The following CLASP1 variants were observed in gnomAD, a reference collection of about 807,000 sequenced individuals.
CLASP1 encodes the protein cytoplasmic linker associated protein 1, also known as CLIP-associating protein 1.
A neutral mutation model predicts 192.3 loss-of-function variants in CLASP1; 38 were observed. That is an observed-to-expected ratio of 0.20 (90% CI 0.15 to 0.26). CLASP1 has a LOEUF of 0.26. Among genes scored for constraint, CLASP1 ranks in the 10% least tolerant of loss-of-function variants. The pLI is 1.00. For synonymous variants in CLASP1, 691 were observed against 712.8 expected (o/e 0.97, Z 0.49); for missense variants, 1,433 against 1,932.5 (o/e 0.74, Z 4.85).
At chr2:121,347,268 G>A (rs2063564880) in intron 38 of CLASP1, 114 bp from the exon 40 acceptor site, 1 of 716,404 alleles carries the variant, frequency 1.4e-6, no homozygotes, top group Non-Finnish European at 2.4e-6. Flanking sequence ...GGACTTGTCA[G>A]TAACAACCAG....
intron 7 of CLASP1, among the ~76,000 whole-genome samples, chr2:121,512,579 C>T (rs1187187995): frequency 6.6e-6 from 1 of 152,164 alleles, no homozygotes; most frequent in African/African-American, 2.4e-5. Context: ...TTGTTAACTA[C>T]CTCCACTTTA....
rs528941460 is a variant in CLASP1 at position 121,547,155 on chromosome 2, C to T, written c.196-16830G>A. ...GGTACCCATTCCCACATCTCCTCAT[C>T]GGCAGGTCCTCCAGGCCTGGGCCTC... is the stretch of plus-strand genomic sequence containing the variant. On this transcript the variant is annotated intron_variant, in intron 2 of 39. Transcript: ENST00000263710. Among the ~76,000 whole-genome samples, 20 of 152,282 alleles carry T rather than the reference C, an allele frequency of 1.3e-4. No homozygotes were observed. The South Asian group carries it at 1.5e-3, about 11-fold the overall frequency.
intron 37 of CLASP1, among the ~76,000 whole-genome samples, chr2:121,349,139 C>G (rs7561293): frequency 0.2 from 30,716 of 151,768 alleles, 5,852 homozygotes; most frequent in African/African-American, 0.5. Flanking sequence ...ACTCGGGAGG[C>G]TGAGGCAGGA....
chr2:121,418,824 T>TA (rs1480990237), intron 22 of CLASP1, 95 bp from the exon 23 acceptor site: 38 of 902,098 alleles, frequency 4.2e-5, no homozygotes, highest in Non-Finnish European at 8.9e-6. Context: ...TTAATGTAAT[T>TA]ACGACATTGT....
intron 39 of CLASP1, among the ~76,000 whole-genome samples, chr2:121,341,889 T>C (rs1035697716): frequency 1.3e-5 from 2 of 152,200 alleles, no homozygotes; most frequent in African/African-American, 2.4e-5. Flanking sequence ...TGGTTTATCA[T>C]AGGATTTAAC....
intron 2 of CLASP1, among the ~76,000 whole-genome samples, chr2:121,582,635 AAGGGAGAGAG>A (rs569228001): frequency 1.6e-4 from 24 of 149,762 alleles, no homozygotes; most frequent in African/African-American, 4.9e-4. Context: ...GGGAAAGGGG[AAGGGAGAGAG>A]AGGGAGAGAG....
intron 1 of CLASP1, among the ~76,000 whole-genome samples, chr2:121,633,164 A>G (rs574270650): frequency 1.4e-4 from 22 of 152,084 alleles, no homozygotes; most frequent in Non-Finnish European, 2.8e-4. Context: ...AAAAGTTTAT[A>G]ATAGAAAAAT....
chr2:121,477,548 A>G (rs1341297147), intron 8 of CLASP1, among the ~76,000 whole-genome samples: 2 of 152,198 alleles, frequency 1.3e-5, no homozygotes, highest in Non-Finnish European at 2.9e-5. Context: ...ACTTTGATAT[A>G]TATGTATTTC....
intron 1 of CLASP1, among the ~76,000 whole-genome samples, chr2:121,619,040 G>GA (rs1429424027): frequency 3.3e-5 from 5 of 152,256 alleles, no homozygotes; most frequent in South Asian, 4.1e-4. Context: ...CTGCAGTAGG[G>GA]AAAAAATCAG....
chr2:121,409,585 A>T (rs2077396705), intron 24 of CLASP1, among the ~76,000 whole-genome samples: 1 of 152,212 alleles, frequency 6.6e-6, no homozygotes, highest in Non-Finnish European at 1.5e-5. Context: ...CTTTACACAC[A>T]GTCCCTTATG....
At chr2:121,373,597 C>T (rs2069254060) in intron 34 of CLASP1, among the ~76,000 whole-genome samples, 1 of 152,124 alleles carries the variant, frequency 6.6e-6, no homozygotes, top group African/African-American at 2.4e-5. Context: ...GACCAAAATG[C>T]TAATAGTGAT....
chr2:121,624,797 G>C (rs1190245280), intron 1 of CLASP1, among the ~76,000 whole-genome samples: 1 of 152,102 alleles, frequency 6.6e-6, no homozygotes, highest in African/African-American at 2.4e-5. Flanking sequence ...ATTTTAAAAC[G>C]TACAATTAAT....
chr2:121,500,370 AAGAAAGAAAG>A, intron 8 of CLASP1, among the ~76,000 whole-genome samples: 1 of 142,834 alleles, frequency 7.0e-6, no homozygotes, highest in Non-Finnish European at 1.5e-5. Context: ...GAAAGAAAGA[AAGAAAGAAAG>A]AAAGAAAGAA....
chr2:121,423,589 GA>G (rs994661885), intron 22 of CLASP1, among the ~76,000 whole-genome samples: 19 of 152,154 alleles, frequency 1.2e-4, no homozygotes, highest in African/African-American at 4.6e-4. Context: ...ATTAACTATG[GA>G]AAAAGACAGC....
intron 1 of CLASP1, among the ~76,000 whole-genome samples, chr2:121,613,016 T>C (rs2065868943): frequency 6.6e-6 from 1 of 152,260 alleles, no homozygotes; most frequent in African/African-American, 2.4e-5. Flanking sequence ...ATTAAAATGA[T>C]ACAGAAGAAA....
At chr2:121,579,191 C>G (rs1197674437) in intron 2 of CLASP1, among the ~76,000 whole-genome samples, 2 of 152,268 alleles carry the variant, frequency 1.3e-5, no homozygotes, top group East Asian at 3.9e-4. Flanking sequence ...ATTCAGCATT[C>G]TCTCAGAACC....
chr2:121,480,920 A>G (rs529099254), intron 8 of CLASP1, among the ~76,000 whole-genome samples: 1 of 152,354 alleles, frequency 6.6e-6, no homozygotes, highest in East Asian at 1.9e-4. Flanking sequence ...AGGCAAAGCA[A>G]AAGAAAGCAG....
At chr2:121,470,099 C>T in intron 8 of CLASP1, 139 bp from the exon 9 acceptor site, 1 of 740,754 alleles carries the variant, frequency 1.3e-6, no homozygotes, top group Admixed American at 2.5e-5. Flanking sequence ...TGAGGTGCTC[C>T]TCTAGGGTCT....
chr2:121,473,178 G>C (rs549552875), intron 8 of CLASP1, among the ~76,000 whole-genome samples: 1 of 152,164 alleles, frequency 6.6e-6, no homozygotes, highest in South Asian at 2.1e-4. Context: ...TCTGAGAAAT[G>C]ATGAAATAAG....
Sources: gnomAD v4.1 joint callset for allele counts (sites outside exome capture counted in the v4.1 genomes callset) on GRCh38, gnomAD v4.1.1 for gene constraint, MANE v1.5 for transcripts, NCBI Gene and HGNC (gene_info 2026-07-23, HGNC 2026-07-21) for gene names.